Variants in PCDHA7 observed in about 807,000 individuals in gnomAD.
The protein encoded by PCDHA7 is protocadherin alpha 7.
In PCDHA7, 37 loss-of-function variants were observed where a neutral mutation model predicts 57.2. That is an observed-to-expected ratio of 0.65 (90% CI 0.50 to 0.85). The LOEUF (loss-of-function observed/expected upper bound fraction) is 0.85. Ranked by LOEUF, PCDHA7 falls within the 40% of genes least tolerant of loss-of-function variation. The pLI, the probability that PCDHA7 is intolerant of heterozygous loss-of-function variation, is 0.00. For missense variants in PCDHA7, 1,188 were observed against 1,241.8 expected, an observed-to-expected ratio of 0.96 and a Z score of 0.65; for synonymous variants, 553 against 558.8, an observed-to-expected ratio of 0.99 and a Z score of 0.15.
rs190430510 is a variant in PCDHA7, at chr5:140,858,745, C to G, written c.2355+22007C>G. ...TTCTGACGATTTACTTTCATAATCACTTTTCGTTACAAATATTTGTGAGAT... is the reference window on the plus strand; with the variant it reads ...TTCTGACGATTTACTTTCATAATCAGTTTTCGTTACAAATATTTGTGAGAT... On this transcript the variant is annotated intron_variant, in intron 1 of 3. Coordinates refer to ENST00000525929, the MANE Select transcript of PCDHA7 (RefSeq NM_018910.3). 215 of 461,666 alleles carry G rather than the reference C, an allele frequency of 4.7e-4. 2 individuals are homozygous for G. In the East Asian group the frequency reaches 5.3e-3, roughly 11 times the overall value. The allele number at this position is 461,666 out of a possible 1,614,324, so 28.6% of individuals were successfully genotyped here.
intron 1 of PCDHA7, chr5:140,852,261 A>G: frequency 2.0e-6 from 1 of 506,240 alleles, no homozygotes; most frequent in Non-Finnish European, 2.6e-6. Flanking sequence ...GGAATATGCT[A>G]CAATATTACA....
chr5:141,001,520 C>G (rs542518188), intron 3 of PCDHA7, among the ~76,000 whole-genome samples: 1 of 152,300 alleles, frequency 6.6e-6, no homozygotes, highest in South Asian at 2.1e-4. Flanking sequence ...CTTTCTCCCT[C>G]TCTCTCTGAT....
chr5:141,009,716 C>A lies in PCDHA7; in HGVS notation c.2593C>A (p.Gln865Lys). Residue 865 changes from glutamine (Q) to lysine (K), a missense_variant, in exon 4 of 4, where the codon CAA becomes AAA. This residue lies in a region of PCDHA7 where 892 missense variants were observed against 788.5 expected (regional missense o/e 1.13). Transcript: ENST00000525929. ...TFKYGPGNPK[Q>K]SGPGELPDKF... is the part of the protein sequence containing the mutation. ...TAAATACGGACCAGGCAACCCCAAACAATCCGGTCCCGGTGAGTTGCCCGA... is the reference window on the plus strand; with the variant it reads ...TAAATACGGACCAGGCAACCCCAAAAAATCCGGTCCCGGTGAGTTGCCCGA... 3 of 1,614,168 alleles carry A rather than the reference C, an allele frequency of 1.9e-6. No homozygotes were observed. The highest frequency in any genetic ancestry group is 2.5e-6 in the Non-Finnish European group (3 of 1,180,034).
chr5:140,847,902 T>G (rs753467196), intron 1 of PCDHA7: 1 of 149,888 alleles, frequency 6.7e-6, no homozygotes, highest in South Asian at 2.1e-4. Context: ...ATCAGTAGAT[T>G]TCTGGGCTCC....
At chr5:140,867,027 C>T (rs1043288554) in intron 1 of PCDHA7, 4 of 152,102 alleles carry the variant, frequency 2.6e-5, no homozygotes, top group Non-Finnish European at 5.9e-5. Context: ...ATATCAAACT[C>T]TTTTATGACT....
At chr5:140,870,914 C>A (rs369740429) in intron 1 of PCDHA7, 10 of 1,613,828 alleles carry the variant, frequency 6.2e-6, no homozygotes, top group African/African-American at 1.3e-5. Context: ...GGCTACAACG[C>A]GTGGCTTTCA....
intron 3 of PCDHA7, among the ~76,000 whole-genome samples, chr5:141,007,425 A>G (rs369535619): frequency 6.6e-4 from 98 of 148,834 alleles, no homozygotes; most frequent in African/African-American, 2.3e-3. Context: ...AAAATTAGCC[A>G]GGCATGGTGG....
intron 3 of PCDHA7, among the ~76,000 whole-genome samples, chr5:140,985,922 G>A (rs1361292887): frequency 6.6e-6 from 1 of 151,826 alleles, no homozygotes; most frequent in African/African-American, 2.4e-5. Flanking sequence ...TGTATTTTTA[G>A]TAGAGCCGGG....
At chr5:140,898,705 A>G (rs1351081569) in intron 1 of PCDHA7, among the ~76,000 whole-genome samples, 2 of 152,142 alleles carry the variant, frequency 1.3e-5, no homozygotes, top group African/African-American at 4.8e-5. Flanking sequence ...ACTTTAAAGT[A>G]GTTTTTTCCA....
chr5:140,920,974 A>G (rs77459262), intron 1 of PCDHA7, among the ~76,000 whole-genome samples: 17,697 of 151,984 alleles, frequency 0.12, 1,149 homozygotes, highest in Middle Eastern at 0.19. Context: ...CTAGAGTATA[A>G]TATTGTATTT....
intron 1 of PCDHA7, among the ~76,000 whole-genome samples, chr5:140,925,792 T>C (rs918762181): frequency 6.6e-6 from 1 of 152,170 alleles, no homozygotes. Flanking sequence ...AGTATCTCAG[T>C]ACTTTCCCCT....
At chr5:140,848,357 TG>T in intron 1 of PCDHA7, 1 of 1,035,374 alleles carries the variant, frequency 9.7e-7, no homozygotes, top group Non-Finnish European at 1.4e-6. Flanking sequence ...CCTTTTCCCA[TG>T]GGAAAGAGGC....
intron 1 of PCDHA7, among the ~76,000 whole-genome samples, chr5:140,918,416 C>A (rs2078685021): frequency 6.6e-6 from 1 of 152,110 alleles, no homozygotes; most frequent in Non-Finnish European, 1.5e-5. Flanking sequence ...GCCAGGACTT[C>A]CAGTAGGATG....
intron 1 of PCDHA7, among the ~76,000 whole-genome samples, chr5:140,878,662 C>G (rs1479409326): frequency 6.6e-6 from 1 of 152,194 alleles, no homozygotes; most frequent in African/African-American, 2.4e-5. Context: ...CCAGAGGCTT[C>G]TCTTTAACCA....
intron 1 of PCDHA7, chr5:140,884,016 G>C (rs143828814): frequency 1.2e-6 from 2 of 1,613,208 alleles, no homozygotes; most frequent in Non-Finnish European, 8.5e-7. Flanking sequence ...CTGATGCCGC[G>C]GTCGGTGGGT....
chr5:140,994,658 T>C (rs2097643677), intron 3 of PCDHA7, among the ~76,000 whole-genome samples: 1 of 152,024 alleles, frequency 6.6e-6, no homozygotes, highest in African/African-American at 2.4e-5. Flanking sequence ...TGAGCTGAGA[T>C]CACACTACTG....
chr5:140,966,742 G>T, intron 1 of PCDHA7: 1 of 1,422,480 alleles, frequency 7.0e-7, no homozygotes, highest in African/African-American at 1.5e-5. Context: ...GCCCTGCCCG[G>T]CTGCCTCCGC....
At position 140,856,259 on chromosome 5, in the gene PCDHA7, G is replaced by T. The variant is rs199529084; in HGVS notation, c.2355+19521G>T. The T allele has an allele frequency of 2.8e-5, 45 of 1,597,976 alleles. 8 individuals are homozygous for T. Among genetic ancestry groups the T allele is most frequent in the Non-Finnish European group, 2.9e-5 (34 of 1,167,878 alleles). The stretch of plus-strand genomic sequence containing the variant: ...GTTCCGGGTGGCGTCCAAAAGACAC[G>T]GGGACCTTCTGGAGGTAAATCTGCA... On this transcript the variant is annotated intron_variant, in intron 1 of 3. Coordinates refer to ENST00000525929, the MANE Select transcript of PCDHA7 (RefSeq NM_018910.3).
At chr5:140,994,848 T>C (rs1453646097) in intron 3 of PCDHA7, among the ~76,000 whole-genome samples, 2 of 151,686 alleles carry the variant, frequency 1.3e-5, no homozygotes, top group East Asian at 3.9e-4. Flanking sequence ...ATAAGATGAG[T>C]GCATTTGATG....
Sources: gnomAD v4.1 joint callset for allele counts (sites outside exome capture counted in the v4.1 genomes callset) on GRCh38, gnomAD v4.1.1 for gene constraint, gnomAD v4.1.1 regional missense constraint, MANE v1.5 for transcripts, NCBI Gene and HGNC (gene_info 2026-07-23, HGNC 2026-07-21) for gene names.